AGBL4: variants seen among roughly 807,000 people sequenced by gnomAD.
The protein encoded by AGBL4 is AGBL carboxypeptidase 4.
In AGBL4, 58 loss-of-function variants were observed where a neutral mutation model predicts 66.4. That is an observed-to-expected ratio of 0.87 (90% confidence interval 0.71 to 1.09). The LOEUF is 1.09. Among genes scored for constraint, AGBL4 ranks in the 50% least tolerant of loss-of-function variants. The pLI is 0.00. For synonymous variants in AGBL4, 234 were observed against 222.9 expected (o/e 1.05, Z -0.44); for missense variants, 579 against 631.0 (o/e 0.92, Z 0.88).
At chr1:49,897,234 A>G (rs994767312) in intron 1 of AGBL4, among the ~76,000 whole-genome samples, 1 of 152,078 alleles carries the variant, frequency 6.6e-6, no homozygotes, top group Non-Finnish European at 1.5e-5. Context: ...CCAGAAAACT[A>G]TTAGAACTGA....
chr1:48,785,520 C>T (rs1026039336), intron 6 of AGBL4, among the ~76,000 whole-genome samples: 2 of 152,180 alleles, frequency 1.3e-5, no homozygotes, highest in African/African-American at 4.8e-5. Context: ...GCCTATTTCC[C>T]ATTTTCCCTT....
At chr1:49,008,909 C>T (rs1348281752) in intron 5 of AGBL4, among the ~76,000 whole-genome samples, 1 of 151,388 alleles carries the variant, frequency 6.6e-6, no homozygotes, top group Non-Finnish European at 1.5e-5. Context: ...GCACTAAATG[C>T]CCACAAGAGA....
chr1:48,978,178 T>C (rs897370248), intron 5 of AGBL4, among the ~76,000 whole-genome samples: 1 of 152,206 alleles, frequency 6.6e-6, no homozygotes, highest in African/African-American at 2.4e-5. Flanking sequence ...CAACTATGTA[T>C]GGAAATGTGA....
rs138261010 is a variant in AGBL4, at chr1:48,926,244, ATTATTTTATT to A, written c.595-59024_595-59015del. 4.0e-3 allele frequency among the ~76,000 whole-genome samples: 574 copies of A among 142,344 alleles called. 6 individuals are homozygous for A. The highest frequency in any genetic ancestry group is 0.028 in the Middle Eastern group (8 of 286). The allele number at this position is 142,344 out of a possible 152,430, so 93.4% of individuals were successfully genotyped here. On this transcript the variant is annotated intron_variant, in intron 5 of 13. Transcript: ENST00000371839. ...GGCTGACCACTTTGCATGACCATGA[ATTATTTTATT>A]TTATTTTATTTTATTTTATTTTATT...
At chr1:48,776,373 A>C (rs1570640874) in intron 6 of AGBL4, among the ~76,000 whole-genome samples, 1 of 152,336 alleles carries the variant, frequency 6.6e-6, no homozygotes, top group South Asian at 2.1e-4. Flanking sequence ...ACGGACTGAC[A>C]GCGCGGGAGC....
intron 3 of AGBL4, among the ~76,000 whole-genome samples, chr1:49,629,523 CA>C (rs1645528570): frequency 6.6e-6 from 1 of 152,064 alleles, no homozygotes; most frequent in African/African-American, 2.4e-5. Flanking sequence ...GGTAAATGGC[CA>C]CTGGGTTGTT....
At chr1:49,001,625 A>T (rs1269320322) in intron 5 of AGBL4, among the ~76,000 whole-genome samples, 1 of 152,136 alleles carries the variant, frequency 6.6e-6, no homozygotes, top group Non-Finnish European at 1.5e-5. Flanking sequence ...CTAAGTCCTG[A>T]ATATCTCCTT....
intron 4 of AGBL4, among the ~76,000 whole-genome samples, chr1:49,204,651 G>A (rs915166958): frequency 3.9e-5 from 6 of 152,188 alleles, no homozygotes; most frequent in Admixed American, 3.3e-4. Flanking sequence ...ACTTCATAAT[G>A]TAAAACACAC....
intron 3 of AGBL4, among the ~76,000 whole-genome samples, chr1:49,596,299 C>A (rs1033975103): frequency 1.3e-5 from 2 of 152,140 alleles, no homozygotes; most frequent in Admixed American, 1.3e-4. Flanking sequence ...TCCTGAGTAG[C>A]TGGGGTTACA....
At chr1:49,563,723 G>A (rs538812948) in intron 3 of AGBL4, among the ~76,000 whole-genome samples, 6 of 151,338 alleles carry the variant, frequency 4.0e-5, no homozygotes, top group African/African-American at 1.5e-4. Flanking sequence ...GTATTTTATT[G>A]AGGATTTTTG....
At chr1:49,544,429 C>T (rs17105705) in intron 3 of AGBL4, among the ~76,000 whole-genome samples, 4,175 of 152,232 alleles carry the variant, frequency 0.027, 161 homozygotes, top group African/African-American at 0.095. Flanking sequence ...TTTGTATATT[C>T]TTCTGTTATT....
intron 2 of AGBL4, among the ~76,000 whole-genome samples, chr1:49,780,795 C>T (rs1035377660): frequency 6.6e-6 from 1 of 151,518 alleles, no homozygotes; most frequent in Admixed American, 6.6e-5. Context: ...CAATTGATGG[C>T]AATGAAGGAG....
chr1:49,877,504 G>A (rs1347347338), intron 1 of AGBL4, among the ~76,000 whole-genome samples: 1 of 150,854 alleles, frequency 6.6e-6, no homozygotes, highest in Non-Finnish European at 1.5e-5. Flanking sequence ...TCCCAGGGAT[G>A]AAGCCCACTT....
chr1:49,534,171 C>CAAAAAAAAA (rs71059553), intron 3 of AGBL4, among the ~76,000 whole-genome samples: 10 of 67,036 alleles, frequency 1.5e-4, no homozygotes, highest in African/African-American at 2.3e-4. Context: ...CACCATTTTA[C>CAAAAAAAAA]AAAAAAAAAA....
At chr1:48,858,728 A>G (rs1647251539) in intron 6 of AGBL4, among the ~76,000 whole-genome samples, 1 of 152,158 alleles carries the variant, frequency 6.6e-6, no homozygotes, top group Non-Finnish European at 1.5e-5. Context: ...GTTTGGGGTG[A>G]TGGCAGTGTT....
At chr1:48,584,613 G>A (rs1644789618) in intron 11 of AGBL4, 1 of 152,626 alleles carries the variant, frequency 6.6e-6, no homozygotes, top group African/African-American at 2.4e-5. Flanking sequence ...CTACTCAGGA[G>A]GCTGAGGCAG....
chr1:49,875,874 T>C (rs1405632368), intron 1 of AGBL4, among the ~76,000 whole-genome samples: 2 of 149,808 alleles, frequency 1.3e-5, no homozygotes, highest in East Asian at 1.9e-4. Flanking sequence ...TGATATCTCA[T>C]TGCGGTTTTG....
chr1:48,767,741 T>C (rs936590115), intron 6 of AGBL4, among the ~76,000 whole-genome samples: 3 of 152,210 alleles, frequency 2.0e-5, no homozygotes, highest in African/African-American at 7.2e-5. Flanking sequence ...TCAGTTTTAG[T>C]GTAAACAAAA....
intron 5 of AGBL4, among the ~76,000 whole-genome samples, chr1:48,867,525 G>C (rs1488276577): frequency 6.6e-6 from 1 of 152,086 alleles, no homozygotes; most frequent in Admixed American, 6.5e-5. Flanking sequence ...GGCTCACCTA[G>C]AGCCACAGAG....
Sources: gnomAD v4.1 joint callset for allele counts (sites outside exome capture counted in the v4.1 genomes callset) on GRCh38, gnomAD v4.1.1 for gene constraint, MANE v1.5 for transcripts, NCBI Gene and HGNC (gene_info 2026-07-23, HGNC 2026-07-21) for gene names.